The following ODAD2 variants were observed in gnomAD, a reference collection of about 807,000 sequenced individuals.
The protein encoded by ODAD2 is outer dynein arm-docking complex subunit 2.
ODAD2 carries 89 observed loss-of-function variants against 106.8 expected under a neutral mutation model. The ratio of observed to expected loss-of-function variants is 0.83; its 90% confidence interval spans 0.70 to 0.99. The LOEUF (loss-of-function observed/expected upper bound fraction) is 0.99. Ranked by LOEUF, ODAD2 falls within the 50% of genes least tolerant of loss-of-function variation. The pLI, the probability that ODAD2 is intolerant of heterozygous loss-of-function variation, is 0.00. For synonymous variants in ODAD2, 404 were observed against 436.2 expected (o/e 0.93, Z 0.92); for missense variants, 1,168 against 1,238.5 (o/e 0.94, Z 0.85).
rs776741018 is a variant in ODAD2, at chr10:27,983,910, A to G, written c.752T>C (p.Leu251Pro). The G allele has an allele frequency of 3.1e-6, 5 of 1,608,004 alleles. No individual in the cohort carries two copies. Among genetic ancestry groups the G allele is most frequent in the Non-Finnish European group, 2.5e-6 (3 of 1,178,546 alleles). Residue 251 changes from leucine (L) to proline (P), a missense_variant, in exon 6 of 20, where the codon CTG becomes CCG. By Grantham distance (98) the Leu-to-Pro change is moderately conservative. Coordinates refer to ENST00000305242, the MANE Select transcript of ODAD2 (RefSeq NM_018076.5). ...RQIRGEICYV[L>P]VKPHDGETLC... is the part of the protein sequence containing the mutation. ...AGTCTCACCATCGTGAGGTTTCACC[A>G]GCACATAACAAATTTCCCCACGAAT...
chr10:27,812,267 C>A lies in ODAD2; in HGVS notation c.*245G>T. The A allele has an allele frequency of 2.1e-6, 1 of 483,434 alleles. No individual in the cohort carries two copies. Among genetic ancestry groups the A allele is most frequent in the Non-Finnish European group, 3.6e-6 (1 of 278,878 alleles). The allele number at this position is 483,434 out of a possible 1,614,324, so 29.9% of individuals were successfully genotyped here. A position where few individuals can be genotyped will look rare whatever the true frequency, so the allele number is the denominator to read the frequency against. ...ACGTATATTCTCATATTCTTAGAAA[C>A]TTATCACAGGTTTATTGGCTTTCCA... On this transcript the variant is annotated 3_prime_UTR_variant, in exon 20 of 20. Transcript: ENST00000305242.
chr10:27,994,745 T>C (rs1048809226), intron 2 of ODAD2, among the ~76,000 whole-genome samples, 174 bp downstream of exon 2: 8 of 152,188 alleles, frequency 5.3e-5, no homozygotes, highest in African/African-American at 1.9e-4. Context: ...AGATACTGTG[T>C]TGGCCAAGCT....
At chr10:27,902,567 GA>G (rs1453031196) in intron 17 of ODAD2, among the ~76,000 whole-genome samples, 17 of 152,002 alleles carry the variant, frequency 1.1e-4, no homozygotes, top group African/African-American at 3.9e-4. Flanking sequence ...TAATAAAAAA[GA>G]AAAGAGAGAA....
intron 7 of ODAD2, among the ~76,000 whole-genome samples, chr10:27,978,211 G>C (rs1455596066): frequency 6.6e-6 from 1 of 152,070 alleles, no homozygotes; most frequent in Admixed American, 6.6e-5. Flanking sequence ...CAAAAGCATA[G>C]ATGAATCTCA....
At chr10:27,863,818 AT>A (rs112482791) in intron 17 of ODAD2, among the ~76,000 whole-genome samples, 8,046 of 147,906 alleles carry the variant, frequency 0.054, 662 homozygotes, top group African/African-American at 0.18. Context: ...AGAGAAGGTG[AT>A]TTTTTTTTTT....
At chr10:27,946,035 A>C (rs1846892698) in intron 10 of ODAD2, among the ~76,000 whole-genome samples, 1 of 149,760 alleles carries the variant, frequency 6.7e-6, no homozygotes, top group Non-Finnish European at 1.5e-5. Flanking sequence ...TATGTATACA[A>C]ATAGATTATA....
intron 2 of ODAD2, among the ~76,000 whole-genome samples, chr10:27,989,585 A>G (rs1423142296): frequency 6.6e-6 from 1 of 152,232 alleles, no homozygotes; most frequent in African/African-American, 2.4e-5. Context: ...CTACTTAACT[A>G]GAGAGAGTGA....
At chr10:27,938,238 A>C (rs778668492) in intron 14 of ODAD2, among the ~76,000 whole-genome samples, 7 of 152,098 alleles carry the variant, frequency 4.6e-5, no homozygotes, top group Non-Finnish European at 1.0e-4. Context: ...CCAGTACCTC[A>C]GAATGTGACT....
At chr10:27,836,814 A>G (rs1251106232) in intron 19 of ODAD2, among the ~76,000 whole-genome samples, 2 of 152,194 alleles carry the variant, frequency 1.3e-5, no homozygotes, top group Admixed American at 6.5e-5. Flanking sequence ...TGGTTAATCA[A>G]TTGTTAATTT....
chr10:27,981,847 G>A, intron 6 of ODAD2: 2 of 235,308 alleles, frequency 8.5e-6, no homozygotes. Context: ...TGCATGTAAG[G>A]CACTCTGCTG....
intron 12 of ODAD2, among the ~76,000 whole-genome samples, chr10:27,942,016 G>A (rs1846489581): frequency 6.6e-6 from 1 of 152,182 alleles, no homozygotes; most frequent in Admixed American, 6.5e-5. Context: ...ATGGGGTATG[G>A]AGGCTTCCAG....
intron 17 of ODAD2, among the ~76,000 whole-genome samples, chr10:27,872,975 C>A (rs1841028214): frequency 6.6e-6 from 1 of 152,152 alleles, no homozygotes. Context: ...GGCTATGAAT[C>A]CCTCTGATCC....
chr10:27,858,803 ATTTTT>A (rs9299592), intron 19 of ODAD2, among the ~76,000 whole-genome samples: 1 of 128,792 alleles, frequency 7.8e-6, no homozygotes, highest in Non-Finnish European at 1.6e-5. Context: ...ACCTTAGTAC[ATTTTT>A]TTTTTTTTTT....
chr10:27,971,464 A>C, intron 7 of ODAD2, 151 bp from the exon 8 acceptor site: 2 of 655,730 alleles, frequency 3.1e-6, no homozygotes, highest in South Asian at 4.2e-5. Context: ...CAACATCAAG[A>C]CTAAGGCTTC....
At chr10:27,881,556 G>A (rs1386993359) in intron 17 of ODAD2, among the ~76,000 whole-genome samples, 2 of 151,938 alleles carry the variant, frequency 1.3e-5, no homozygotes, top group Non-Finnish European at 2.9e-5. Flanking sequence ...AGGATCACTT[G>A]AGCCCAGGAG....
chr10:27,997,653 T>C (rs1219272734), intron 1 of ODAD2: 2 of 152,178 alleles, frequency 1.3e-5, no homozygotes, highest in Non-Finnish European at 2.9e-5. Context: ...TTCAAGAAGG[T>C]TGGTGAGTTT....
At chr10:27,927,562 C>G (rs1845335933) in intron 16 of ODAD2, among the ~76,000 whole-genome samples, 1 of 152,116 alleles carries the variant, frequency 6.6e-6, no homozygotes, top group South Asian at 2.1e-4. Context: ...TTTATAAAAA[C>G]ACACGTGGGA....
At chr10:27,822,931 C>T (rs1836726148) in intron 19 of ODAD2, among the ~76,000 whole-genome samples, 1 of 152,126 alleles carries the variant, frequency 6.6e-6, no homozygotes, top group South Asian at 2.1e-4. Context: ...CACTAGAGAG[C>T]TTTAATGCCC....
At chr10:27,825,417 T>C (rs11006733) in intron 19 of ODAD2, among the ~76,000 whole-genome samples, 4,249 of 152,272 alleles carry the variant, frequency 0.028, 321 homozygotes, top group East Asian at 0.22. Context: ...GACAACTTAG[T>C]GATCTGGGAG....
Sources: gnomAD v4.1 joint callset for allele counts (sites outside exome capture counted in the v4.1 genomes callset) on GRCh38, gnomAD v4.1.1 for gene constraint, MANE v1.5 for transcripts, NCBI Gene and HGNC (gene_info 2026-07-23, HGNC 2026-07-21) for gene names.